Variants in LCOR observed in about 807,000 individuals in gnomAD.
The protein encoded by LCOR is ligand-dependent corepressor.
In LCOR, 14 loss-of-function variants were observed where a neutral mutation model predicts 64.4. That is an observed-to-expected ratio of 0.22 (90% CI 0.14 to 0.34). LCOR has a LOEUF of 0.34. LCOR is among the 10% of genes least tolerant of loss of function. LCOR has a pLI of 1.00. For missense variants in LCOR, 1,686 were observed against 1,765.3 expected (o/e 0.96, Z 0.80); for synonymous variants, 643 against 642.5 (o/e 1.00, Z -0.01).
chr10:96,954,095 A>G (rs1408808303), intron 7 of LCOR, among the ~76,000 whole-genome samples: 1 of 152,242 alleles, frequency 6.6e-6, no homozygotes, highest in Non-Finnish European at 1.5e-5. Flanking sequence ...TTTTTAAGCC[A>G]GAGAAAACTG....
At chr10:96,861,183 A>G (rs963633999) in intron 2 of LCOR, among the ~76,000 whole-genome samples, 5 of 152,182 alleles carry the variant, frequency 3.3e-5, no homozygotes, top group African/African-American at 1.2e-4. Context: ...TTCATTTTTG[A>G]GGAACCTAAG....
intron 2 of LCOR, among the ~76,000 whole-genome samples, chr10:96,848,093 C>T (rs1449119844): frequency 6.6e-6 from 1 of 152,104 alleles, no homozygotes; most frequent in African/African-American, 2.4e-5. Flanking sequence ...ATTACTATAC[C>T]TAAGTCAGCC....
rs1167045168 is a variant in LCOR at position 96,984,923 on chromosome 10, C to T, written c.4463C>T (p.Ser1488Leu). 6.8e-6 allele frequency: 11 copies of T among 1,613,888 alleles called. No homozygotes were observed. The highest frequency in any genetic ancestry group is 6.7e-5 in the Admixed American group (4 of 59,968). The change falls in exon 8 of 8, where the codon TCG (serine) becomes TTG (leucine). Residue 1488 changes from serine to leucine, a missense_variant. Transcript: ENST00000421806. ...TNKRPSQSIA[S>L]ETLTKPAKQK... ...AAAAGGCCTTCCCAGTCTATTGCCT[C>T]GGAAACACTGACGAAACCTGCAAAA...
intron 6 of LCOR, among the ~76,000 whole-genome samples, chr10:96,951,589 T>C (rs1422925105): frequency 6.6e-6 from 1 of 152,116 alleles, no homozygotes; most frequent in Non-Finnish European, 1.5e-5. Context: ...ACATGTACTT[T>C]AATGACATAA....
chr10:96,986,065 C>G lies in LCOR; in HGVS notation c.*931C>G, dbSNP rs1848147289. 1 of 166,858 alleles carries G rather than the reference C, an allele frequency of 6.0e-6. No homozygotes were observed. Among genetic ancestry groups the G allele is most frequent in the Non-Finnish European group, 1.5e-5 (1 of 68,090 alleles). The allele number at this position is 166,858 out of a possible 1,614,324, so 10.3% of individuals were successfully genotyped here. A position where few individuals can be genotyped will look rare whatever the true frequency, so the allele number is the denominator to read the frequency against. ...TTCTTACCCAGAGTACTTCCATATTCAAAGAAAGCCGAACTATTATTTCCA... is the reference window on the plus strand; with the variant it reads ...TTCTTACCCAGAGTACTTCCATATTGAAAGAAAGCCGAACTATTATTTCCA... On this transcript the variant is annotated 3_prime_UTR_variant, in exon 8 of 8. Coordinates refer to ENST00000421806, the MANE Select transcript of LCOR (RefSeq NM_001346516.2).
intron 2 of LCOR, among the ~76,000 whole-genome samples, chr10:96,869,486 A>G (rs1214867844): frequency 1.3e-5 from 2 of 151,872 alleles, no homozygotes; most frequent in Non-Finnish European, 2.9e-5. Context: ...AAGTGTTAGG[A>G]TTACAGGTAT....
chr10:96,885,756 GA>G (rs372096986), intron 2 of LCOR, among the ~76,000 whole-genome samples: 76 of 144,662 alleles, frequency 5.3e-4, no homozygotes, highest in African/African-American at 1.6e-3. Context: ...GAACCGAAAA[GA>G]AAAAAAAAAG....
In LCOR at chr10:96,991,627, G is replaced by C. The variant is rs1477184239; in HGVS notation, c.*6493G>C. The C allele has an allele frequency of 1.3e-5, 2 of 152,192 alleles. No individual in the cohort carries two copies. The allele number at this position is 152,192 out of a possible 1,614,324, so 9.4% of individuals were successfully genotyped here. ...GCTCTGGTCGTGATATGAGAACATA[G>C]ATGCCTGGTGTTTGCCTGTTTGACT... On this transcript the variant is annotated 3_prime_UTR_variant, in exon 8 of 8. Coordinates refer to ENST00000421806, the MANE Select transcript of LCOR (RefSeq NM_001346516.2).
intron 2 of LCOR, among the ~76,000 whole-genome samples, chr10:96,853,361 A>G (rs954741395): frequency 2.6e-5 from 4 of 152,152 alleles, no homozygotes; most frequent in Non-Finnish European, 5.9e-5. Flanking sequence ...GTCACCTTTT[A>G]ACATCATAAA....
intron 2 of LCOR, among the ~76,000 whole-genome samples, chr10:96,846,399 T>A (rs989905323): frequency 6.6e-6 from 1 of 152,082 alleles, no homozygotes. Flanking sequence ...ACCACAGGTG[T>A]GTACCACCAT....
At chr10:96,968,769 T>C (rs1847971105) in intron 7 of LCOR, among the ~76,000 whole-genome samples, 1 of 152,066 alleles carries the variant, frequency 6.6e-6, no homozygotes, top group Non-Finnish European at 1.5e-5. Flanking sequence ...ACCCCATCTC[T>C]ACAAAAAATC....
intron 4 of LCOR, among the ~76,000 whole-genome samples, chr10:96,936,996 T>A (rs150938315): frequency 9.4e-4 from 143 of 152,368 alleles, no homozygotes; most frequent in African/African-American, 3.1e-3. Context: ...TATTGTACTA[T>A]ACCATGGGTA....
chr10:96,849,055 A>G (rs1254709648), intron 2 of LCOR, among the ~76,000 whole-genome samples: 1 of 89,346 alleles, frequency 1.1e-5, no homozygotes, highest in Non-Finnish European at 2.5e-5. Flanking sequence ...TCACCTGGCT[A>G]ATTGTCTTTT....
At chr10:96,881,346 T>C (rs1357551730) in intron 2 of LCOR, among the ~76,000 whole-genome samples, 1 of 152,252 alleles carries the variant, frequency 6.6e-6, no homozygotes. Context: ...TTAACTGGTA[T>C]TTTAACATAC....
chr10:96,985,302 T>TG lies in LCOR; in HGVS notation c.*169dup. 1 of 778,942 alleles carries TG rather than the reference T, an allele frequency of 1.3e-6. No individual in the cohort carries two copies. Among genetic ancestry groups the TG allele is most frequent in the Non-Finnish European group, 1.9e-6 (1 of 526,276 alleles). 48.3% of individuals were successfully genotyped at this position (778,942 alleles called of 1,614,324 possible). On this transcript the variant is annotated 3_prime_UTR_variant, in exon 8 of 8. Transcript: ENST00000421806. ...TGCATCTCAGATGGAGAAGGGAACT[T>TG]GCAGAGTCCTTCTCTGAGGCTAAGG...
intron 7 of LCOR, among the ~76,000 whole-genome samples, chr10:96,968,208 AT>A (rs918139985): frequency 6.6e-6 from 1 of 152,012 alleles, no homozygotes; most frequent in South Asian, 2.1e-4. Context: ...CTACTTTTTC[AT>A]TTTTTTAGGT....
intron 7 of LCOR, among the ~76,000 whole-genome samples, chr10:96,965,049 C>A (rs1847934387): frequency 6.6e-6 from 1 of 151,676 alleles, no homozygotes; most frequent in Non-Finnish European, 1.5e-5. Context: ...CGCTCTGTCT[C>A]CCAGGCTGGA....
At chr10:96,850,872 G>A (rs1301804116) in intron 2 of LCOR, among the ~76,000 whole-genome samples, 1 of 152,206 alleles carries the variant, frequency 6.6e-6, no homozygotes, top group Non-Finnish European at 1.5e-5. Flanking sequence ...CTGTAATGCT[G>A]ATGAAACATC....
chr10:96,915,736 T>C (rs777632282), intron 4 of LCOR: 24 of 662,508 alleles, frequency 3.6e-5, no homozygotes, highest in Non-Finnish European at 6.2e-5. Flanking sequence ...CTTTTTCCTT[T>C]TTCCCTTTGG....
Sources: allele counts gnomAD v4.1 joint callset (sites outside exome capture counted in the v4.1 genomes callset), GRCh38; gene constraint gnomAD v4.1.1; transcripts MANE v1.5; gene names NCBI Gene and HGNC (gene_info 2026-07-23, HGNC 2026-07-21).